The following ADAM22 variants were observed in gnomAD, a reference collection of about 807,000 sequenced individuals.
ADAM22 encodes the protein disintegrin and metalloproteinase domain-containing protein 22.
Under a neutral mutation model 144.6 loss-of-function variants are expected in ADAM22, and 65 were observed. That is an observed-to-expected ratio of 0.45 (90% confidence interval 0.37 to 0.55). The LOEUF (loss-of-function observed/expected upper bound fraction) is 0.55. Ranked by LOEUF, ADAM22 falls within the 20% of genes least tolerant of loss-of-function variation. The probability of loss-of-function intolerance (pLI) is 0.00; values close to 1 mark genes in which losing one functional copy is unlikely to be tolerated. For missense variants in ADAM22, 974 were observed against 1,184.9 expected, an observed-to-expected ratio of 0.82 and a Z score of 2.61; for synonymous variants, 391 against 412.6, an observed-to-expected ratio of 0.95 and a Z score of 0.63.
chr7:88,035,679 G>A (rs1340692700), intron 3 of ADAM22, among the ~76,000 whole-genome samples: 1 of 152,190 alleles, frequency 6.6e-6, no homozygotes, highest in African/African-American at 2.4e-5. Context: ...TGTTGTATTA[G>A]ATATTATAAG....
At chr7:88,028,075 G>A (rs553568120) in intron 3 of ADAM22, among the ~76,000 whole-genome samples, 21 of 152,310 alleles carry the variant, frequency 1.4e-4, no homozygotes, top group Admixed American at 1.2e-3. Flanking sequence ...ATGAGCCACT[G>A]TGTCCAGCCT....
At chr7:88,000,268 T>G (rs902494097) in intron 3 of ADAM22, among the ~76,000 whole-genome samples, 2 of 152,182 alleles carry the variant, frequency 1.3e-5, no homozygotes, top group Non-Finnish European at 2.9e-5. Context: ...TGTAGTAAAG[T>G]GTTGACAGCA....
intron 24 of ADAM22, among the ~76,000 whole-genome samples, chr7:88,167,697 A>C (rs1345728678): frequency 6.6e-6 from 1 of 152,198 alleles, no homozygotes; most frequent in Non-Finnish European, 1.5e-5. Flanking sequence ...ATTCACTTTG[A>C]GAGAGACAAA....
intron 14 of ADAM22, among the ~76,000 whole-genome samples, chr7:88,136,464 G>A (rs909993544): frequency 5.3e-5 from 8 of 152,006 alleles, no homozygotes; most frequent in African/African-American, 1.7e-4. Context: ...ATTACTGATG[G>A]CTTCATAATG....
At chr7:88,192,484 T>C (rs1382180451) in intron 30 of ADAM22, among the ~76,000 whole-genome samples, 1 of 152,208 alleles carries the variant, frequency 6.6e-6, no homozygotes, top group East Asian at 1.9e-4. Flanking sequence ...TTGTAGGGAC[T>C]AATTAGACCA....
In ADAM22 at chr7:88,164,487, G is replaced by C. The variant is rs926542683; in HGVS notation, c.2076+1307G>C. On this transcript the variant is annotated intron_variant, in intron 23 of 31. Transcript: ENST00000413139. ...TATTTGTGTCAAAAAATTAATATAA[G>C]AAAAATTAATACAAGTAAATATTAT... Among the ~76,000 whole-genome samples the C allele has an allele frequency of 5.9e-5, 9 of 151,994 alleles. No homozygotes were observed. The East Asian group carries it at 1.5e-3, about 26-fold the overall frequency.
intron 3 of ADAM22, among the ~76,000 whole-genome samples, chr7:88,021,386 C>T (rs767936747): frequency 6.6e-6 from 1 of 152,158 alleles, no homozygotes; most frequent in Non-Finnish European, 1.5e-5. Flanking sequence ...CTAAAGCAAA[C>T]CTTTTTGCTG....
chr7:88,073,415 A>G (rs1377150333), intron 3 of ADAM22, among the ~76,000 whole-genome samples: 1 of 152,184 alleles, frequency 6.6e-6, no homozygotes, highest in African/African-American at 2.4e-5. Flanking sequence ...AGTTGTAAAC[A>G]CCCCTCATCT....
intron 3 of ADAM22, among the ~76,000 whole-genome samples, chr7:88,072,328 C>G (rs1813054575): frequency 6.6e-6 from 1 of 152,156 alleles, no homozygotes; most frequent in South Asian, 2.1e-4. Flanking sequence ...TTTTATAATT[C>G]AAAGGGAAAT....
chr7:88,000,569 GTT>G (rs1318354694), intron 3 of ADAM22, among the ~76,000 whole-genome samples: 1 of 151,872 alleles, frequency 6.6e-6, no homozygotes, highest in African/African-American at 2.4e-5. Context: ...TCTTTATTCT[GTT>G]TTTATAGCCA....
In ADAM22 at chr7:88,197,925, A is replaced by G. The variant is rs751929331; in HGVS notation, c.*1434A>G. 2.0e-5 allele frequency: 3 copies of G among 152,216 alleles called. No homozygotes were observed. The highest frequency in any genetic ancestry group is 4.8e-5 in the African/African-American group (2 of 41,454). The allele number at this position is 152,216 out of a possible 1,614,324, so 9.4% of individuals were successfully genotyped here. A position where few individuals can be genotyped will look rare whatever the true frequency, so the allele number is the denominator to read the frequency against. On this transcript the variant is annotated 3_prime_UTR_variant, in exon 32 of 32. Coordinates refer to ENST00000413139, the MANE Select transcript of ADAM22 (RefSeq NM_001324418.2). ...GCTTTGAAACATATATTTTTAATCC[A>G]TAGGAAAATAAGATTCTATTTTAAA...
At chr7:88,011,467 C>G (rs1009443225) in intron 3 of ADAM22, among the ~76,000 whole-genome samples, 1 of 150,372 alleles carries the variant, frequency 6.7e-6, no homozygotes. Flanking sequence ...GTGAACCCGG[C>G]AGGCAGAGCT....
intron 3 of ADAM22, among the ~76,000 whole-genome samples, chr7:87,983,948 C>T (rs1474273680): frequency 6.6e-6 from 1 of 151,948 alleles, no homozygotes; most frequent in East Asian, 1.9e-4. Context: ...TTTGGATTTT[C>T]TTATTTGACC....
intron 4 of ADAM22, among the ~76,000 whole-genome samples, chr7:88,103,403 A>G (rs1272401838): frequency 6.6e-6 from 1 of 152,158 alleles, no homozygotes; most frequent in African/African-American, 2.4e-5. Flanking sequence ...TTATAAATAA[A>G]TGATTATTTT....
chr7:87,946,795 A>C (rs188301633), intron 2 of ADAM22, among the ~76,000 whole-genome samples: 10 of 152,322 alleles, frequency 6.6e-5, no homozygotes, highest in Non-Finnish European at 8.8e-5. Context: ...AAAGTCAGGG[A>C]ATCAACCTAG....
At chr7:88,159,648 A>T (rs956025176) in intron 22 of ADAM22, among the ~76,000 whole-genome samples, 2 of 152,194 alleles carry the variant, frequency 1.3e-5, no homozygotes, top group Non-Finnish European at 2.9e-5. Context: ...AGAACTAAAG[A>T]CAAAAACCAC....
At chr7:88,090,401 T>G (rs969082670) in intron 4 of ADAM22, among the ~76,000 whole-genome samples, 2 of 152,112 alleles carry the variant, frequency 1.3e-5, no homozygotes, top group Non-Finnish European at 2.9e-5. Flanking sequence ...AGAACCAAGT[T>G]AACCACAAAT....
chr7:87,953,714 G>A (rs530824376), intron 2 of ADAM22, among the ~76,000 whole-genome samples: 1,965 of 152,000 alleles, frequency 0.013, 29 homozygotes, highest in Non-Finnish European at 0.021. Flanking sequence ...TTTCTGTCTC[G>A]TTGATCTGTC....
In ADAM22 at chr7:88,200,580, T is replaced by C. The variant is rs1851122217; in HGVS notation, c.*4089T>C. Reference sequence around the variant, plus strand: ...CTGCCATTTGCAGCATCATATCTACTTTTTATGCACCTAATTATATTTTTC... The same window carrying C: ...CTGCCATTTGCAGCATCATATCTACCTTTTATGCACCTAATTATATTTTTC... On this transcript the variant is annotated 3_prime_UTR_variant, in exon 32 of 32. Coordinates refer to ENST00000413139, the MANE Select transcript of ADAM22 (RefSeq NM_001324418.2). 6.6e-6 allele frequency: 1 copy of C among 152,264 alleles called. No individual in the cohort carries two copies. The highest frequency in any genetic ancestry group is 2.4e-5 in the African/African-American group (1 of 41,474). 9.4% of individuals were successfully genotyped at this position (152,264 alleles called of 1,614,324 possible).
Sources: gnomAD v4.1 joint callset for allele counts (sites outside exome capture counted in the v4.1 genomes callset) on GRCh38, gnomAD v4.1.1 for gene constraint, MANE v1.5 for transcripts, NCBI Gene and HGNC (gene_info 2026-07-23, HGNC 2026-07-21) for gene names.